Variants in GPM6A observed in about 807,000 individuals in gnomAD.
The protein encoded by GPM6A is glycoprotein M6A, also known as neuronal membrane glycoprotein M6-a.
A neutral mutation model predicts 32.1 loss-of-function variants in GPM6A; 7 were observed. The ratio of observed to expected loss-of-function variants is 0.22; its 90% confidence interval spans 0.12 to 0.41. GPM6A has a LOEUF of 0.41. Ranked by LOEUF, GPM6A falls within the 10% of genes least tolerant of loss-of-function variation. The pLI is 1.00. For synonymous variants in GPM6A, 130 were observed against 123.4 expected (o/e 1.05, Z -0.35); for missense variants, 235 against 347.2 (o/e 0.68, Z 2.57).
At chr4:175,984,089 G>A (rs1345519612) in intron 1 of GPM6A, among the ~76,000 whole-genome samples, 1 of 151,704 alleles carries the variant, frequency 6.6e-6, no homozygotes, top group Non-Finnish European at 1.5e-5. Flanking sequence ...AGCATTTCTT[G>A]ATATATTTAT....
At chr4:175,996,197 A>AT (rs1319051285) in intron 1 of GPM6A, among the ~76,000 whole-genome samples, 1 of 152,146 alleles carries the variant, frequency 6.6e-6, no homozygotes, top group Non-Finnish European at 1.5e-5. Flanking sequence ...AAAGGCCTCG[A>AT]TTTTTTGTAA....
intron 3 of GPM6A, among the ~76,000 whole-genome samples, chr4:175,658,074 T>G (rs1025149940): frequency 6.6e-6 from 1 of 152,202 alleles, no homozygotes; most frequent in Non-Finnish European, 1.5e-5. Flanking sequence ...AAACTACCTA[T>G]GCTCAAGTTG....
At chr4:175,947,030 G>C (rs142570006) in intron 1 of GPM6A, among the ~76,000 whole-genome samples, 2 of 152,146 alleles carry the variant, frequency 1.3e-5, no homozygotes, top group African/African-American at 4.8e-5. Context: ...GAAATGAAGT[G>C]TGTGTGGCTT....
At chr4:175,769,219 A>T (rs1733093186) in intron 1 of GPM6A, among the ~76,000 whole-genome samples, 1 of 152,224 alleles carries the variant, frequency 6.6e-6, no homozygotes, top group Non-Finnish European at 1.5e-5. Flanking sequence ...AGTTCAAACA[A>T]CCTTGGGTTT....
At chr4:175,779,748 T>C (rs1199421436) in intron 1 of GPM6A, among the ~76,000 whole-genome samples, 1 of 152,194 alleles carries the variant, frequency 6.6e-6, no homozygotes, top group East Asian at 1.9e-4. Context: ...TGGCAACAGA[T>C]ACACCCACCT....
chr4:175,801,038 A>G (rs192657361), intron 1 of GPM6A: 275 of 163,994 alleles, frequency 1.7e-3, no homozygotes, highest in Admixed American at 3.1e-3. Context: ...AAGCCTCCCA[A>G]GTATTGAACT....
At position 175,672,130 on chromosome 4, in the gene GPM6A, C is replaced by A. The variant is rs554579890; in HGVS notation, c.387+1550G>T. On this transcript the variant is annotated intron_variant, in intron 3 of 6. Transcript: ENST00000393658. ...TAGATATGCAATTCTTCCTTGATTG[C>A]TTTGTCTTTTTATTATGAAGTTATT... is the stretch of plus-strand genomic sequence containing the variant. Among the ~76,000 whole-genome samples the A allele has an allele frequency of 3.3e-4, 51 of 152,256 alleles. 1 individual carries two copies. In the South Asian group the frequency reaches 0.011, roughly 32 times the overall value.
At chr4:175,909,747 G>C (rs1738253788) in intron 1 of GPM6A, among the ~76,000 whole-genome samples, 1 of 152,154 alleles carries the variant, frequency 6.6e-6, no homozygotes, top group South Asian at 2.1e-4. Context: ...AATCACAAAA[G>C]TTGGTAGGAT....
chr4:175,815,266 C>A (rs931976257), upstream of GPM6A, among the ~76,000 whole-genome samples: 1 of 152,134 alleles, frequency 6.6e-6, no homozygotes, highest in East Asian at 1.9e-4. Flanking sequence ...CCACCCACCT[C>A]GGCCTCCCAG....
At chr4:175,958,229 C>G (rs1257469423) in intron 1 of GPM6A, among the ~76,000 whole-genome samples, 1 of 152,174 alleles carries the variant, frequency 6.6e-6, no homozygotes, top group Admixed American at 6.5e-5. Flanking sequence ...AGAGCATTGC[C>G]TATTTTGCTT....
chr4:175,936,006 T>TA lies in GPM6A; in HGVS notation c.-23+66302dup, dbSNP rs932011258. Among the ~76,000 whole-genome samples the TA allele has an allele frequency of 3.4e-4, 51 of 148,760 alleles. 1 individual carries two copies. The highest frequency in any genetic ancestry group is 2.8e-3 in the Admixed American group (41 of 14,842). On this transcript the variant is annotated intron_variant, in intron 1 of 7. Transcript: ENST00000280187. ...TGACTAAATATTTAGTAAAAAAAAA[T>TA]AAAAAAAATTAAAAAACGGCCGGGC...
At chr4:175,706,837 G>C (rs1395577347) in intron 1 of GPM6A, among the ~76,000 whole-genome samples, 1 of 152,106 alleles carries the variant, frequency 6.6e-6, no homozygotes, top group African/African-American at 2.4e-5. Context: ...GATAAAACAG[G>C]GTGTAGTAAA....
chr4:175,893,606 G>A (rs752327394), intron 1 of GPM6A, among the ~76,000 whole-genome samples: 7 of 151,700 alleles, frequency 4.6e-5, no homozygotes, highest in Non-Finnish European at 7.4e-5. Context: ...TTCTTTCCTC[G>A]GCCAGTTTTT....
intron 2 of GPM6A, among the ~76,000 whole-genome samples, chr4:175,684,266 G>A (rs980009521): frequency 1.3e-5 from 2 of 151,934 alleles, no homozygotes; most frequent in Non-Finnish European, 2.9e-5. Context: ...TTTGCTTATG[G>A]CATTTTACTA....
intron 1 of GPM6A, among the ~76,000 whole-genome samples, chr4:175,726,282 A>G (rs1460984589): frequency 6.6e-6 from 1 of 152,080 alleles, no homozygotes; most frequent in East Asian, 1.9e-4. Flanking sequence ...TACAGGCGTG[A>G]GCCACTGCGC....
At chr4:175,793,921 C>T (rs2111283535) in intron 1 of GPM6A, among the ~76,000 whole-genome samples, 1 of 152,210 alleles carries the variant, frequency 6.6e-6, no homozygotes, top group Middle Eastern at 3.4e-3. Context: ...TCCATTTATC[C>T]TAATTAGTCT....
At chr4:175,976,328 A>ATTTTTTTTT (rs34163669) in intron 1 of GPM6A, among the ~76,000 whole-genome samples, 27 of 137,296 alleles carry the variant, frequency 2.0e-4, no homozygotes, top group African/African-American at 6.1e-4. Context: ...CGCCTGGCTA[A>ATTTTTTTTT]TTTTTTTTTT....
chr4:175,988,141 A>G (rs1194966884), intron 1 of GPM6A, among the ~76,000 whole-genome samples: 1 of 152,196 alleles, frequency 6.6e-6, no homozygotes, highest in African/African-American at 2.4e-5. Context: ...AAATATCCTG[A>G]GTCATTGTTG....
At chr4:175,968,069 A>G (rs999102475) in intron 1 of GPM6A, among the ~76,000 whole-genome samples, 2 of 152,174 alleles carry the variant, frequency 1.3e-5, no homozygotes, top group African/African-American at 4.8e-5. Flanking sequence ...GCAAAAGAAT[A>G]GACAAATAAA....
Sources: gnomAD v4.1 joint callset for allele counts (sites outside exome capture counted in the v4.1 genomes callset) on GRCh38, gnomAD v4.1.1 for gene constraint, MANE v1.5 for transcripts, NCBI Gene and HGNC (gene_info 2026-07-23, HGNC 2026-07-21) for gene names.